The following FER variants were observed in gnomAD, a reference collection of about 807,000 sequenced individuals.
The protein encoded by FER is tyrosine-protein kinase Fer.
FER carries 63 observed loss-of-function variants against 111.0 expected under a neutral mutation model. That is an observed-to-expected ratio of 0.57 (90% CI 0.46 to 0.70). The LOEUF is 0.70. Ranked by LOEUF, FER falls within the 30% of genes least tolerant of loss-of-function variation. FER has a pLI of 0.00. For synonymous variants in FER, 327 were observed against 313.9 expected (o/e 1.04, Z -0.44); for missense variants, 914 against 954.0 (o/e 0.96, Z 0.55).
At chr5:108,777,870 A>C (rs10044305) in intron 2 of FER, among the ~76,000 whole-genome samples, 66,639 of 151,962 alleles carry the variant, frequency 0.44, 16,668 homozygotes, top group African/African-American at 0.69. Flanking sequence ...TTCACGATCA[A>C]GAGAATAGCA....
At chr5:108,957,702 G>C (rs563406094) in intron 12 of FER, among the ~76,000 whole-genome samples, 2 of 151,644 alleles carry the variant, frequency 1.3e-5, no homozygotes, top group East Asian at 3.9e-4. Context: ...GAATCAATCT[G>C]TGTCCATTAA....
At chr5:109,081,946 C>T (rs1278366949) in intron 16 of FER, among the ~76,000 whole-genome samples, 2 of 151,964 alleles carry the variant, frequency 1.3e-5, no homozygotes, top group African/African-American at 2.4e-5. Context: ...CCCTCTCCTA[C>T]CCCTTCAGAA....
intron 3 of FER, among the ~76,000 whole-genome samples, chr5:108,821,657 G>T (rs1183156621): frequency 6.6e-6 from 1 of 151,300 alleles, no homozygotes; most frequent in Non-Finnish European, 1.5e-5. Context: ...CTCTCCCTCT[G>T]TCTCCTTAGA....
intron 5 of FER, among the ~76,000 whole-genome samples, chr5:108,845,045 T>TATGTATATATATATATATATAC (rs1761858733): frequency 5.1e-5 from 2 of 39,140 alleles, no homozygotes; most frequent in African/African-American, 1.2e-4. Context: ...TATATACATA[T>TATGTATATATATATATATATAC]ATATATATAT....
intron 10 of FER, among the ~76,000 whole-genome samples, chr5:108,944,307 T>G (rs1756685109): frequency 6.6e-6 from 1 of 152,154 alleles, no homozygotes; most frequent in Admixed American, 6.6e-5. Flanking sequence ...CAATTTCAGG[T>G]ATTATTTAAT....
At chr5:108,964,071 T>C (rs117288130) in intron 13 of FER, among the ~76,000 whole-genome samples, 1,949 of 152,322 alleles carry the variant, frequency 0.013, 13 homozygotes, top group East Asian at 0.033. Flanking sequence ...TGTGTAATTT[T>C]TAAAATAATT....
At chr5:109,146,256 ATAT>A in intron 17 of FER, among the ~76,000 whole-genome samples, 1 of 52,730 alleles carries the variant, frequency 1.9e-5, no homozygotes, top group Non-Finnish European at 3.7e-5. Flanking sequence ...TCTATCTAAT[ATAT>A]ATATATATAT....
chr5:108,828,238 A>T (rs1334370294), intron 3 of FER, among the ~76,000 whole-genome samples: 3 of 152,154 alleles, frequency 2.0e-5, no homozygotes, highest in African/African-American at 7.2e-5. Context: ...GGATAGTGTT[A>T]ACTTTCCTTA....
Position 108,787,254 on chromosome 5 carries a change from G to A in FER, c.-59-10870G>A, listed in dbSNP as rs572903015. On this transcript the variant is annotated intron_variant, in intron 2 of 19. Coordinates refer to ENST00000281092, the MANE Select transcript of FER (RefSeq NM_005246.4). ...GCCAGGTATGTGCATGCTCAGAGTG[G>A]TGCTGATATGCCAGCCCCTTGCCAC... Among the ~76,000 whole-genome samples, 43 of 152,334 alleles carry A rather than the reference G, an allele frequency of 2.8e-4. No homozygotes were observed. In the South Asian group the frequency reaches 5.4e-3, roughly 19 times the overall value.
chr5:108,927,053 A>G (rs2149569394), intron 10 of FER, among the ~76,000 whole-genome samples: 1 of 152,106 alleles, frequency 6.6e-6, no homozygotes, highest in South Asian at 2.1e-4. Flanking sequence ...GTAGTGTGTC[A>G]TATTGATATT....
chr5:109,065,638 G>A (rs920822338), intron 16 of FER, among the ~76,000 whole-genome samples: 20 of 152,132 alleles, frequency 1.3e-4, no homozygotes, highest in Admixed American at 9.8e-4. Flanking sequence ...GGTGGAGCAC[G>A]TGAGCCCAGG....
chr5:109,124,525 A>G (rs1467632176), intron 17 of FER, among the ~76,000 whole-genome samples: 1 of 152,162 alleles, frequency 6.6e-6, no homozygotes, highest in Non-Finnish European at 1.5e-5. Context: ...TCTTTGAAGC[A>G]TAATATCTGC....
intron 13 of FER, among the ~76,000 whole-genome samples, chr5:108,975,811 T>C (rs1475326345): frequency 6.6e-6 from 1 of 152,198 alleles, no homozygotes; most frequent in Non-Finnish European, 1.5e-5. Context: ...CACTAAGACT[T>C]GGCAAAGAAG....
chr5:109,043,399 G>A (rs996778352), intron 14 of FER, among the ~76,000 whole-genome samples: 25 of 152,116 alleles, frequency 1.6e-4, no homozygotes, highest in African/African-American at 6.0e-4. Flanking sequence ...TACTGTTTAA[G>A]TATATTTTTT....
intron 16 of FER, among the ~76,000 whole-genome samples, chr5:109,093,695 G>A (rs1747114762): frequency 6.6e-6 from 1 of 151,908 alleles, no homozygotes; most frequent in African/African-American, 2.4e-5. Context: ...TGTATTTGTG[G>A]ATGTCATTTT....
chr5:108,946,804 G>GTTATTC (rs147602782), intron 11 of FER, among the ~76,000 whole-genome samples: 1 of 151,780 alleles, frequency 6.6e-6, no homozygotes, highest in Non-Finnish European at 1.5e-5. Flanking sequence ...TAAAGCATTA[G>GTTATTC]TTCTATTTAC....
chr5:108,777,935 C>T (rs1753672165), intron 2 of FER, among the ~76,000 whole-genome samples: 1 of 152,200 alleles, frequency 6.6e-6, no homozygotes, highest in African/African-American at 2.4e-5. Flanking sequence ...CCTCCCACAA[C>T]ATGTGGGAAT....
At position 109,014,021 on chromosome 5, in the gene FER, A is replaced by G. The variant is rs540995214; in HGVS notation, c.1657-23401A>G. On this transcript the variant is annotated intron_variant, in intron 13 of 19. Coordinates refer to ENST00000281092, the MANE Select transcript of FER (RefSeq NM_005246.4). ...GAGTAGGTTGCAAAAATTTTCTCCC[A>G]TTTTGTAGGTTGCCTGTTCACTCTG... Among the ~76,000 whole-genome samples the G allele has an allele frequency of 2.1e-4, 31 of 150,640 alleles. No homozygotes were observed. The East Asian group carries it at 3.3e-3, about 16-fold the overall frequency.
chr5:109,054,360 C>G (rs1298725441), intron 16 of FER, among the ~76,000 whole-genome samples: 2 of 152,102 alleles, frequency 1.3e-5, no homozygotes, highest in Non-Finnish European at 2.9e-5. Flanking sequence ...TTTAATTTGC[C>G]CTTTCCCATT....
Sources: gnomAD v4.1 joint callset for allele counts (sites outside exome capture counted in the v4.1 genomes callset) on GRCh38, gnomAD v4.1.1 for gene constraint, MANE v1.5 for transcripts, NCBI Gene and HGNC (gene_info 2026-07-23, HGNC 2026-07-21) for gene names.